The following NT5DC3 variants were observed in gnomAD, a reference collection of about 807,000 sequenced individuals.
The protein encoded by NT5DC3 is 5'-nucleotidase domain containing 3.
NT5DC3 carries 42 observed loss-of-function variants against 67.8 expected under a neutral mutation model. The observed-to-expected ratio is 0.62, with a 90% confidence interval of 0.48 to 0.80. NT5DC3 has a LOEUF of 0.80. Ranked by LOEUF, NT5DC3 falls within the 30% of genes least tolerant of loss-of-function variation. The pLI, the probability that NT5DC3 is intolerant of heterozygous loss-of-function variation, is 0.00. For synonymous variants in NT5DC3, 237 were observed against 255.6 expected (o/e 0.93, Z 0.69); for missense variants, 570 against 696.4 (o/e 0.82, Z 2.04).
At chr12:103,816,779 T>C (rs747448246) in intron 1 of NT5DC3, among the ~76,000 whole-genome samples, 6 of 152,166 alleles carry the variant, frequency 3.9e-5, no homozygotes, top group Non-Finnish European at 7.3e-5. Context: ...TTGCCACCTA[T>C]GATTTTTTAA....
chr12:103,753,360 C>A, the NT5DC3 span: 1 of 1,614,034 alleles, frequency 6.2e-7, no homozygotes, highest in Non-Finnish European at 8.5e-7. Context: ...GAAGGTGGGT[C>A]TTCAGTTAGC....
chr12:103,780,438 T>C (rs1470279680), intron 12 of NT5DC3, 74 bp from the exon 13 acceptor site: 8 of 1,386,922 alleles, frequency 5.8e-6, no homozygotes, highest in Non-Finnish European at 8.2e-6. Flanking sequence ...AATTTTTTAA[T>C]GAGCAGTTTT....
intron 7 of NT5DC3, among the ~76,000 whole-genome samples, 173 bp from the exon 8 acceptor site, chr12:103,793,685 A>C (rs1243157475): frequency 6.6e-6 from 1 of 152,224 alleles, no homozygotes; most frequent in Non-Finnish European, 1.5e-5. Context: ...TGCATCATTC[A>C]CAAAGACCCT....
chr12:103,785,270 C>T, intron 12 of NT5DC3, 65 bp downstream of exon 12: 1 of 1,481,540 alleles, frequency 6.7e-7, no homozygotes, highest in Non-Finnish European at 9.4e-7. Context: ...GCAGAAAATA[C>T]CTGAAGTAAC....
At chr12:103,779,893 G>A (rs1885477970) in intron 13 of NT5DC3, among the ~76,000 whole-genome samples, 1 of 152,140 alleles carries the variant, frequency 6.6e-6, no homozygotes, top group African/African-American at 2.4e-5. Context: ...ATAAGCACCA[G>A]GGTCGTAGGA....
the NT5DC3 span, chr12:103,753,385 CAG>C: frequency 1.2e-6 from 2 of 1,613,818 alleles, no homozygotes; most frequent in Admixed American, 1.7e-5. Context: ...TCTGTGCAGA[CAG>C]AGTCTGCAGG....
At chr12:103,796,667 T>A (rs1373233070) in intron 6 of NT5DC3, among the ~76,000 whole-genome samples, 1 of 152,254 alleles carries the variant, frequency 6.6e-6, no homozygotes, top group African/African-American at 2.4e-5. Flanking sequence ...AAAATTGAGA[T>A]AACAGTGTCA....
chr12:103,800,220 A>C lies in NT5DC3; in HGVS notation c.525-1543T>G, dbSNP rs1331566301. Reference sequence around the variant, plus strand: ...CCGTCTCCATCACCCACATTACTTTAAAAAGTTATCTGAGTGGATTCATTA... The same window carrying C: ...CCGTCTCCATCACCCACATTACTTTCAAAAGTTATCTGAGTGGATTCATTA... On this transcript the variant is annotated intron_variant, in intron 4 of 13. Coordinates refer to ENST00000392876, the MANE Select transcript of NT5DC3 (RefSeq NM_001031701.3). 2.0e-5 allele frequency among the ~76,000 whole-genome samples: 3 copies of C among 152,204 alleles called. No homozygotes were observed. The East Asian group carries it at 5.8e-4, about 29-fold the overall frequency.
chr12:103,779,743 C>T (rs1028331973), intron 13 of NT5DC3, among the ~76,000 whole-genome samples: 11 of 152,228 alleles, frequency 7.2e-5, no homozygotes, highest in Non-Finnish European at 1.5e-5. Context: ...TATAAAGCAT[C>T]CTTCTAGGGA....
chr12:103,793,314 G>A (rs1866296), intron 8 of NT5DC3, 49 bp from the exon 9 acceptor site: 580,823 of 1,541,916 alleles, frequency 0.38, 121,189 homozygotes, highest in East Asian at 0.87. Context: ...GAGATTAACT[G>A]TGTCTGTAAC....
At chr12:103,749,163 C>T in the NT5DC3 span, 83 of 1,587,084 alleles carry the variant, frequency 5.2e-5, 1 homozygote, top group South Asian at 7.6e-4. Context: ...CCCGGTGAGT[C>T]GCTCTTTCCC....
the NT5DC3 span, among the ~76,000 whole-genome samples, chr12:103,748,633 C>T: frequency 2.4e-5 from 2 of 84,862 alleles, no homozygotes; most frequent in Non-Finnish European, 4.5e-5. Flanking sequence ...CACACACACA[C>T]ACACACACAC....
chr12:103,759,558 C>A, the NT5DC3 span, among the ~76,000 whole-genome samples: 6 of 152,186 alleles, frequency 3.9e-5, no homozygotes, highest in Non-Finnish European at 5.9e-5. Flanking sequence ...TCAGACTATT[C>A]CAGGCATTAA....
Position 103,773,430 on chromosome 12 carries a change from G to C in NT5DC3, c.*4399C>G, listed in dbSNP as rs764619064. 1 of 152,196 alleles carries C rather than the reference G, an allele frequency of 6.6e-6. No individual in the cohort carries two copies. Among genetic ancestry groups the C allele is most frequent in the Non-Finnish European group, 1.5e-5 (1 of 68,028 alleles). 9.4% of individuals were successfully genotyped at this position (152,196 alleles called of 1,614,324 possible). ...AACGCACTAGCAGTGTCAAAGGTTA[G>C]CTGAACTTTGAGCTAAGCTCCTAAA... On this transcript the variant is annotated 3_prime_UTR_variant, in exon 14 of 14. Coordinates refer to ENST00000392876, the MANE Select transcript of NT5DC3 (RefSeq NM_001031701.3).
At chr12:103,766,271 C>A, downstream of NT5DC3, 1 of 1,614,038 alleles carries the variant, frequency 6.2e-7, no homozygotes, top group Non-Finnish European at 8.5e-7. Flanking sequence ...CCCCTTACAA[C>A]CCTCTCTTTT....
chr12:103,799,452 T>C (rs1413059267), intron 4 of NT5DC3, among the ~76,000 whole-genome samples: 1 of 152,218 alleles, frequency 6.6e-6, no homozygotes, highest in Non-Finnish European at 1.5e-5. Flanking sequence ...CCCCTTTCAC[T>C]TGGCTCTCAT....
At chr12:103,787,708 G>A (rs1364200702) in intron 10 of NT5DC3, among the ~76,000 whole-genome samples, 181 bp from the exon 11 acceptor site, 8 of 152,146 alleles carry the variant, frequency 5.3e-5, no homozygotes, top group Admixed American at 5.2e-4. Flanking sequence ...TGTTCAAGAA[G>A]GATTTATATT....
intron 5 of NT5DC3, 69 bp downstream of exon 5, chr12:103,798,518 T>G: frequency 9.7e-7 from 1 of 1,034,564 alleles, no homozygotes. Flanking sequence ...AAGCAGTAGG[T>G]AAGTTCGACA....
Position 103,805,365 on chromosome 12 carries a change from T to C in NT5DC3, c.524+957A>G, listed in dbSNP as rs567832641. Among the ~76,000 whole-genome samples the C allele has an allele frequency of 2.6e-5, 4 of 152,348 alleles. No homozygotes were observed. In the South Asian group the frequency reaches 8.3e-4, roughly 32 times the overall value. Reference sequence around the variant, plus strand: ...TGACATCTTTAATCCTGTTTGACTGTGTGACTCTATCCATGTTTCACTTTG... The same window carrying C: ...TGACATCTTTAATCCTGTTTGACTGCGTGACTCTATCCATGTTTCACTTTG... On this transcript the variant is annotated intron_variant, in intron 4 of 13. Coordinates refer to ENST00000392876, the MANE Select transcript of NT5DC3 (RefSeq NM_001031701.3).
Sources: allele counts gnomAD v4.1 joint callset (sites outside exome capture counted in the v4.1 genomes callset), GRCh38; gene constraint gnomAD v4.1.1; transcripts MANE v1.5; gene names NCBI Gene and HGNC (gene_info 2026-07-23, HGNC 2026-07-21).